Variants in ABCA13 observed in about 807,000 individuals in gnomAD.
ABCA13 encodes ATP-binding cassette sub-family A member 13.
ABCA13 carries 476 observed loss-of-function variants against 478.7 expected under a neutral mutation model. That is an observed-to-expected ratio of 0.99 (90% CI 0.92 to 1.07). The LOEUF (loss-of-function observed/expected upper bound fraction) is 1.07, where lower values mean the gene tolerates loss of function less well. ABCA13 is among the 50% of genes least tolerant of loss of function. ABCA13 has a pLI of 0.00. For missense variants in ABCA13, 6,060 were observed against 5,910.6 expected (o/e 1.03, Z -0.83); for synonymous variants, 2,252 against 2,158.9 (o/e 1.04, Z -1.20).
In ABCA13 at chr7:48,271,887, G is replaced by A. The variant is rs1201782751; in HGVS notation, c.2221G>A (p.Glu741Lys). The change falls in exon 17 of 62, where the codon GAG becomes AAG. Residue 741 changes from glutamate to lysine, a missense_variant. By Grantham distance (56) the Glu-to-Lys change is moderately conservative (BLOSUM62 1). Around this residue, in one of 3 missense-constraint regions of ABCA13, gnomAD observed 4,423 missense variants for 4,309.1 expected, o/e 1.03. Transcript: ENST00000435803. The part of the protein sequence containing the change: ...NFLLSFVEFF[E>K]KLLLPNLFDS... The stretch of plus-strand genomic sequence containing the variant: ...TCTTTTATCATTTGTGGAATTTTTT[G>A]AGAAATTATTGTTGCCTAATCTTTT... 1 of 1,611,876 alleles carries A rather than the reference G, an allele frequency of 6.2e-7. No individual in the cohort carries two copies. Among genetic ancestry groups the A allele is most frequent in the South Asian group, 1.1e-5 (1 of 90,630 alleles).
chr7:48,206,150 A>G (rs1669284679), intron 3 of ABCA13, among the ~76,000 whole-genome samples: 2 of 152,324 alleles, frequency 1.3e-5, no homozygotes, highest in East Asian at 1.9e-4. Flanking sequence ...TCTTTCACCC[A>G]GTAAAATGTT....
rs1298221144 is a variant in ABCA13, at chr7:48,272,693, A to G, written c.3027A>G (p.Lys1009=). ...AATTTAATTTCCAAAACATCAGTAA[A>G]GCATTTGCATTTTTATTTAAGACAG... is the stretch of plus-strand genomic sequence containing the variant. The part of the protein sequence containing the change: ...IKQFNFQNIS[K]AFAFLFKTAE... Residue 1009 remains lysine (K), a synonymous_variant, in exon 17 of 62, where the codon AAA becomes AAG. Transcript: ENST00000435803. 2 of 1,612,388 alleles carry G rather than the reference A, an allele frequency of 1.2e-6. No individual in the cohort carries two copies. The highest frequency in any genetic ancestry group is 1.7e-6 in the Non-Finnish European group (2 of 1,178,994).
intron 19 of ABCA13, among the ~76,000 whole-genome samples, chr7:48,284,410 A>G (rs1797449170): frequency 6.6e-6 from 1 of 152,228 alleles, no homozygotes; most frequent in Admixed American, 6.5e-5. Context: ...GTTGTCAAAT[A>G]GAAATCAGTA....
chr7:48,201,520 AAC>A (rs1489408423), intron 3 of ABCA13, among the ~76,000 whole-genome samples: 1 of 152,050 alleles, frequency 6.6e-6, no homozygotes, highest in Non-Finnish European at 1.5e-5. Context: ...AGGAGTTCGA[AAC>A]CACCCTGGCC....
intron 43 of ABCA13, 125 bp downstream of exon 43, chr7:48,455,411 G>A: frequency 7.4e-7 from 1 of 1,348,966 alleles, no homozygotes; most frequent in South Asian, 1.5e-5. Flanking sequence ...TTATTTCCGA[G>A]GTCTGAATTC....
Position 48,275,215 on chromosome 7 carries a change from C to T in ABCA13, c.5549C>T (p.Ser1850Phe). 6.2e-7 allele frequency: 1 copy of T among 1,613,880 alleles called. No individual in the cohort carries two copies. Among genetic ancestry groups the T allele is most frequent in the Middle Eastern group, 1.6e-4 (1 of 6,062 alleles). Residue 1850 changes from serine (S) to phenylalanine (F), a missense_variant, in exon 17 of 62, where the codon TCC (serine) becomes TTC (phenylalanine). Transcript: ENST00000435803. ...PCNVHGLMSS[S>F]FYGKVASILD... Reference sequence around the variant, plus strand: ...AATGTCCATGGGCTCATGTCTTCTTCCTTTTATGGCAAAGTGGCCAGTATA... The same window carrying T: ...AATGTCCATGGGCTCATGTCTTCTTTCTTTTATGGCAAAGTGGCCAGTATA...
intron 59 of ABCA13, among the ~76,000 whole-genome samples, chr7:48,631,148 G>T (rs934031426): frequency 2.0e-5 from 3 of 151,938 alleles, no homozygotes; most frequent in African/African-American, 7.2e-5. Flanking sequence ...CTTTGCAAAA[G>T]CCCTTCAGTT....
chr7:48,569,254 C>T (rs1327109963), intron 55 of ABCA13, among the ~76,000 whole-genome samples: 2 of 152,050 alleles, frequency 1.3e-5, no homozygotes, highest in Non-Finnish European at 1.5e-5. Context: ...GATATTACAG[C>T]TGTATCTTCT....
chr7:48,230,049 G>T, intron 7 of ABCA13, 94 bp downstream of exon 7: 6 of 1,342,612 alleles, frequency 4.5e-6, no homozygotes, highest in South Asian at 1.8e-5. Context: ...TGTTCAAAAT[G>T]ATTTAATTAA....
At chr7:48,313,033 T>C (rs1206750984) in intron 24 of ABCA13, 34 bp from the exon 25 acceptor site, 1 of 1,514,166 alleles carries the variant, frequency 6.6e-7, no homozygotes. Context: ...GTGTTGGTTA[T>C]TTCATGTTGT....
At chr7:48,234,721 T>C (rs1230147537) in intron 8 of ABCA13, among the ~76,000 whole-genome samples, 1 of 152,026 alleles carries the variant, frequency 6.6e-6, no homozygotes, top group Non-Finnish European at 1.5e-5. Context: ...AGTTACAGAG[T>C]CCCTTTTGTC....
At chr7:48,622,633 C>T (rs567515664) in intron 59 of ABCA13, among the ~76,000 whole-genome samples, 1 of 152,084 alleles carries the variant, frequency 6.6e-6, no homozygotes, top group Non-Finnish European at 1.5e-5. Context: ...TCTTTTATCT[C>T]TTTTGTCTTC....
chr7:48,334,285 C>T (rs1001674269), intron 27 of ABCA13, among the ~76,000 whole-genome samples: 2 of 151,696 alleles, frequency 1.3e-5, no homozygotes, highest in Non-Finnish European at 1.5e-5. Flanking sequence ...GGCCTGGTGC[C>T]AAGGTATTGG....
chr7:48,279,470 A>G lies in ABCA13; in HGVS notation c.8276A>G (p.Asn2759Ser). The change falls in exon 18 of 62, where the codon AAT (asparagine) becomes AGT (serine). Residue 2759 changes from asparagine to serine, a missense_variant. Physicochemically the swap from Asn to Ser is conservative, Grantham distance 46 (BLOSUM62 1). Coordinates refer to ENST00000435803, the MANE Select transcript of ABCA13 (RefSeq NM_152701.5). ...AAGAAAGATAATTGGAATGTTTCTA[A>G]TGTGTTGATGACATTTACTCAGCAT... The part of the protein sequence containing the change: ...NLKKDNWNVS[N>S]VLMTFTQHPN... The G allele has an allele frequency of 5.0e-6, 8 of 1,611,340 alleles. No homozygotes were observed. Among genetic ancestry groups the G allele is most frequent in the Non-Finnish European group, 6.8e-6 (8 of 1,178,308 alleles).
intron 56 of ABCA13, among the ~76,000 whole-genome samples, chr7:48,586,767 T>G (rs1251496362): frequency 6.6e-6 from 1 of 152,134 alleles, no homozygotes; most frequent in Non-Finnish European, 1.5e-5. Context: ...TCTTCTCCCT[T>G]TAAGTTTTGA....
chr7:48,562,112 GA>G (rs60693042), intron 55 of ABCA13, among the ~76,000 whole-genome samples: 15,445 of 116,288 alleles, frequency 0.13, 1,122 homozygotes, highest in African/African-American at 0.29. Context: ...TATGGGGGGG[GA>G]GGTGGATACA....
chr7:48,330,500 C>CATCA (rs1328762234), intron 27 of ABCA13, among the ~76,000 whole-genome samples: 7 of 150,762 alleles, frequency 4.6e-5, no homozygotes, highest in Admixed American at 4.6e-4. Flanking sequence ...TCCATCCATC[C>CATCA]ATCCATCCAT....
At chr7:48,432,009 T>A (rs894759221) in intron 42 of ABCA13, among the ~76,000 whole-genome samples, 8 of 152,334 alleles carry the variant, frequency 5.3e-5, no homozygotes, top group South Asian at 2.1e-4. Flanking sequence ...TGATCTTTTT[T>A]AAAATTTTTT....
intron 58 of ABCA13, among the ~76,000 whole-genome samples, chr7:48,602,203 G>C (rs1790968781): frequency 6.6e-6 from 1 of 152,164 alleles, no homozygotes; most frequent in South Asian, 2.1e-4. Context: ...AGTTTCGTTT[G>C]CTGTGCAGAA....
Sources: allele counts gnomAD v4.1 joint callset (sites outside exome capture counted in the v4.1 genomes callset), GRCh38; gene constraint gnomAD v4.1.1; regional missense constraint gnomAD v4.1.1; transcripts MANE v1.5; gene names NCBI Gene and HGNC (gene_info 2026-07-23, HGNC 2026-07-21).